The following TRPM3 variants were observed in gnomAD, a reference collection of about 807,000 sequenced individuals.
TRPM3 encodes the protein transient receptor potential cation channel subfamily M member 3.
Under a neutral mutation model 181.2 loss-of-function variants are expected in TRPM3, and 77 were observed. The ratio of observed to expected loss-of-function variants is 0.42; its 90% CI spans 0.35 to 0.51. The LOEUF (loss-of-function observed/expected upper bound fraction) is 0.51, where lower values mean the gene tolerates loss of function less well. Among genes scored for constraint, TRPM3 ranks in the 20% least tolerant of loss-of-function variants. The probability of loss-of-function intolerance (pLI) is 0.01; values close to 1 mark genes in which losing one functional copy is unlikely to be tolerated. For missense variants in TRPM3, 1,759 were observed against 2,196.7 expected, an observed-to-expected ratio of 0.80 and a Z score of 3.98; for synonymous variants, 745 against 796.4, an observed-to-expected ratio of 0.94 and a Z score of 1.09.
chr9:71,103,026 A>T (rs1461386457), intron 1 of TRPM3, among the ~76,000 whole-genome samples: 6 of 152,046 alleles, frequency 3.9e-5, no homozygotes, highest in Admixed American at 2.0e-4. Context: ...AGGGATAAAA[A>T]TTTTTTTTAG....
chr9:71,399,533 T>G (rs1036700546), intron 1 of TRPM3, among the ~76,000 whole-genome samples: 3 of 129,442 alleles, frequency 2.3e-5, no homozygotes, highest in Middle Eastern at 3.4e-3. Flanking sequence ...TTTGTTTTTT[T>G]TTTTTTTTTT....
intron 1 of TRPM3, chr9:70,917,027 A>G (rs1014296240): frequency 6.3e-7 from 1 of 1,575,674 alleles, no homozygotes; most frequent in Non-Finnish European, 8.7e-7. Flanking sequence ...GTGAGTGGGT[A>G]TAGAGACTGG....
chr9:71,113,751 C>A (rs898888669), intron 1 of TRPM3, among the ~76,000 whole-genome samples: 1 of 152,166 alleles, frequency 6.6e-6, no homozygotes, highest in Non-Finnish European at 1.5e-5. Flanking sequence ...TAGAGAGATA[C>A]TGAGTGCTCA....
At chr9:71,227,014 CAGG>C (rs1385292318) in intron 1 of TRPM3, among the ~76,000 whole-genome samples, 5 of 145,502 alleles carry the variant, frequency 3.4e-5, no homozygotes, top group Non-Finnish European at 5.9e-5. Context: ...GACACTGAGG[CAGG>C]AGAATTGTTT....
At chr9:71,423,534 G>A (rs745837137) in intron 1 of TRPM3, among the ~76,000 whole-genome samples, 2 of 152,040 alleles carry the variant, frequency 1.3e-5, no homozygotes, top group Non-Finnish European at 2.9e-5. Flanking sequence ...CACCATGAAA[G>A]CAGTTTAAGT....
chr9:71,155,577 A>C (rs932420622), intron 1 of TRPM3, among the ~76,000 whole-genome samples: 3 of 148,168 alleles, frequency 2.0e-5, no homozygotes, highest in African/African-American at 7.5e-5. Flanking sequence ...CTGGTCTTGA[A>C]CTCCTGACTT....
intron 1 of TRPM3, among the ~76,000 whole-genome samples, chr9:71,310,467 C>T (rs141347595): frequency 5.5e-4 from 84 of 152,100 alleles, no homozygotes; most frequent in South Asian, 4.1e-3. Flanking sequence ...ATAGGAAAAT[C>T]TCTGGAGGGG....
chr9:71,112,542 T>C (rs2071355046), intron 1 of TRPM3, among the ~76,000 whole-genome samples: 1 of 152,170 alleles, frequency 6.6e-6, no homozygotes, highest in South Asian at 2.1e-4. Flanking sequence ...ACCATTTGGT[T>C]CCTCTGAGTA....
intron 1 of TRPM3, among the ~76,000 whole-genome samples, chr9:71,294,841 T>A (rs895406068): frequency 1.3e-5 from 2 of 152,098 alleles, no homozygotes; most frequent in African/African-American, 4.8e-5. Context: ...TATGGATGAA[T>A]CTCAAAGCAA....
At chr9:70,812,192 G>C (rs111344073) in intron 6 of TRPM3, among the ~76,000 whole-genome samples, 1 of 152,288 alleles carries the variant, frequency 6.6e-6, no homozygotes, top group African/African-American at 2.4e-5. Flanking sequence ...CCTCAAGTTA[G>C]ATCTCTAGAC....
chr9:70,677,997 G>C (rs140457112), intron 9 of TRPM3, among the ~76,000 whole-genome samples: 1 of 151,536 alleles, frequency 6.6e-6, no homozygotes, highest in African/African-American at 2.4e-5. Flanking sequence ...CCCACTTGGG[G>C]ACATACTTAT....
chr9:70,660,898 G>C (rs1041005274), intron 9 of TRPM3, among the ~76,000 whole-genome samples: 4 of 152,108 alleles, frequency 2.6e-5, no homozygotes, highest in East Asian at 1.9e-4. Context: ...TATTCCAAAT[G>C]ATAGAGAAAG....
chr9:71,015,353 G>A (rs774495467), intron 1 of TRPM3, among the ~76,000 whole-genome samples: 1 of 152,136 alleles, frequency 6.6e-6, no homozygotes, highest in Non-Finnish European at 1.5e-5. Context: ...CCTATTAGTT[G>A]TAGGTAATGC....
At chr9:70,788,806 G>A (rs967385291) in intron 6 of TRPM3, among the ~76,000 whole-genome samples, 3 of 152,112 alleles carry the variant, frequency 2.0e-5, no homozygotes, top group Non-Finnish European at 2.9e-5. Context: ...TAAGGAGCAC[G>A]CAACCTAGAT....
intron 1 of TRPM3, among the ~76,000 whole-genome samples, chr9:71,022,120 C>T (rs1019427907): frequency 6.6e-6 from 1 of 152,116 alleles, no homozygotes; most frequent in African/African-American, 2.4e-5. Flanking sequence ...TGGGAGGATT[C>T]ATTCTACCTG....
intron 1 of TRPM3, among the ~76,000 whole-genome samples, chr9:71,148,110 TAA>T (rs10713717): frequency 1.1e-4 from 16 of 150,454 alleles, no homozygotes; most frequent in Admixed American, 6.0e-4. Context: ...TTTCTGAAGT[TAA>T]AAAAAAAAAT....
chr9:70,689,513 A>AATT (rs1253189020), intron 8 of TRPM3, among the ~76,000 whole-genome samples: 1 of 94,026 alleles, frequency 1.1e-5, no homozygotes, highest in African/African-American at 4.8e-5. Flanking sequence ...ACCATCACTA[A>AATT]ATTACTTTAA....
At chr9:71,089,729 G>C (rs2065888840) in intron 1 of TRPM3, among the ~76,000 whole-genome samples, 1 of 152,108 alleles carries the variant, frequency 6.6e-6, no homozygotes, top group African/African-American at 2.4e-5. Flanking sequence ...AAGACACCCA[G>C]AGATAGAAGA....
intron 9 of TRPM3, among the ~76,000 whole-genome samples, chr9:70,651,833 T>C (rs895089867): frequency 2.0e-5 from 3 of 152,226 alleles, no homozygotes; most frequent in Non-Finnish European, 2.9e-5. Flanking sequence ...TAGGTAGTCA[T>C]GTCTACGTTG....
Sources: gnomAD v4.1 joint callset for allele counts (sites outside exome capture counted in the v4.1 genomes callset) on GRCh38, gnomAD v4.1.1 for gene constraint, MANE v1.5 for transcripts, NCBI Gene and HGNC (gene_info 2026-07-23, HGNC 2026-07-21) for gene names.